ATXN10: variants seen among roughly 807,000 people sequenced by gnomAD.
ATXN10 encodes ataxin 10, also known as ataxin-10.
Under a neutral mutation model 52.9 loss-of-function variants are expected in ATXN10, and 28 were observed. That is an observed-to-expected ratio of 0.53 (90% CI 0.39 to 0.73). The LOEUF (loss-of-function observed/expected upper bound fraction) is 0.73, where lower values mean the gene tolerates loss of function less well. ATXN10 is among the 30% of genes least tolerant of loss of function. ATXN10 has a pLI of 0.00. For missense variants in ATXN10, 565 were observed against 577.0 expected (o/e 0.98, Z 0.21); for synonymous variants, 226 against 221.5 (o/e 1.02, Z -0.18).
At chr22:45,721,844 G>A (rs1249943549) in intron 6 of ATXN10, among the ~76,000 whole-genome samples, 1 of 152,150 alleles carries the variant, frequency 6.6e-6, no homozygotes, top group Non-Finnish European at 1.5e-5. Flanking sequence ...TAACTTGGGA[G>A]GTGGAGGTTG....
In ATXN10 at chr22:45,775,164, A is replaced by C. The variant is rs1361620071; in HGVS notation, c.1174-31795A>C. Among the ~76,000 whole-genome samples the C allele has an allele frequency of 6.6e-6, 1 of 152,092 alleles. No individual in the cohort carries two copies. Among genetic ancestry groups the C allele is most frequent in the Non-Finnish European group, 1.5e-5 (1 of 68,014 alleles). ...TGAGAAACACTGGCCCTCAGTCCTT[A>C]CCACTCCTAGAGAAGGAGGGGATGG... On this transcript the variant is annotated intron_variant, in intron 9 of 11. Transcript: ENST00000252934. The surrounding 1 kb of genome is among the most constrained non-coding windows in gnomAD (Gnocchi z 4.7).
At position 45,814,170 on chromosome 22, in the gene ATXN10, A is replaced by G. The variant is rs558305637; in HGVS notation, c.1237+7148A>G. Among the ~76,000 whole-genome samples, 38 of 152,358 alleles carry G rather than the reference A, an allele frequency of 2.5e-4. 1 individual carries two copies. Among genetic ancestry groups the G allele is most frequent in the Admixed American group, 2.5e-3 (38 of 15,294 alleles). On this transcript the variant is annotated intron_variant, in intron 10 of 11. Coordinates refer to ENST00000252934, the MANE Select transcript of ATXN10 (RefSeq NM_013236.4). ...GGATTGGGCAAGCGTTTCTTAAGGC[A>G]CACAAAGGCTAACTTAAAAACACTA...
At position 45,833,015 on chromosome 22, in the gene ATXN10, T is replaced by G. The variant is rs535390008; in HGVS notation, c.1238-9976T>G. 1.6e-4 allele frequency among the ~76,000 whole-genome samples: 25 copies of G among 152,224 alleles called. No individual in the cohort carries two copies. Among genetic ancestry groups the G allele is most frequent in the Non-Finnish European group, 3.4e-4 (23 of 68,040 alleles). ...AGGTTGTCCTGACTTTAAATGGATA[T>G]AGTAGTGCTCTTCCCCTGATGAGGA... On this transcript the variant is annotated intron_variant, in intron 10 of 11. Transcript: ENST00000252934. The surrounding 1 kb of genome is among the most constrained non-coding windows in gnomAD (Gnocchi z 4.3).
chr22:45,689,765 C>G lies in ATXN10; in HGVS notation c.170C>G (p.Ser57Cys), dbSNP rs761106865. The change falls in exon 2 of 12, where the codon TCT becomes TGT. Residue 57 changes from serine to cysteine, a missense_variant. By Grantham distance (112) the Ser-to-Cys change is moderately radical. Coordinates refer to ENST00000252934, the MANE Select transcript of ATXN10 (RefSeq NM_013236.4). ...FQRVLDILKK[S>C]SHAVELACRD... Reference sequence around the variant, plus strand: ...AGAGTTCTGGATATCCTAAAGAAATCTTCTCATGCTGTTGAGCTTGCCTGC... The same window carrying G: ...AGAGTTCTGGATATCCTAAAGAAATGTTCTCATGCTGTTGAGCTTGCCTGC... The G allele has an allele frequency of 2.5e-6, 4 of 1,614,078 alleles. No homozygotes were observed. The African/African-American group carries it at 4.0e-5, about 16-fold the overall frequency.
chr22:45,746,054 A>G (rs1462097133), intron 9 of ATXN10, among the ~76,000 whole-genome samples: 3 of 152,072 alleles, frequency 2.0e-5, no homozygotes, highest in Admixed American at 6.6e-5. Flanking sequence ...TCCAAATCAT[A>G]TATATTTTAG....
chr22:45,823,141 G>A lies in ATXN10; in HGVS notation c.1237+16119G>A. 1 of 471,736 alleles carries A rather than the reference G, an allele frequency of 2.1e-6. No homozygotes were observed. The highest frequency in any genetic ancestry group is 4.4e-6 in the Non-Finnish European group (1 of 227,174). 29.2% of individuals were successfully genotyped at this position (471,736 alleles called of 1,614,324 possible). ...AGATGTATGTACGCATCACCCAGAT[G>A]GAAATACAGAACATGCCCATCTCCC... On this transcript the variant is annotated intron_variant, in intron 10 of 11. Coordinates refer to ENST00000252934, the MANE Select transcript of ATXN10 (RefSeq NM_013236.4). This position sits in a 1 kb window ranked among gnomAD's most constrained non-coding sequence, Gnocchi z 4.9.
At chr22:45,807,083 T>C (rs1569072954) in intron 10 of ATXN10, 61 bp downstream of exon 10, 1 of 1,357,696 alleles carries the variant, frequency 7.4e-7, no homozygotes, top group Admixed American at 1.7e-5. Flanking sequence ...GCAAAACAAG[T>C]CCCTTGCCTC....
chr22:45,829,633 A>G (rs936146861), intron 10 of ATXN10, among the ~76,000 whole-genome samples: 4 of 152,208 alleles, frequency 2.6e-5, no homozygotes, highest in African/African-American at 9.6e-5. Context: ...TTATAATAGC[A>G]TCAAAAATAA....
intron 5 of ATXN10, among the ~76,000 whole-genome samples, chr22:45,717,998 C>T (rs1448772597): frequency 2.0e-5 from 3 of 152,092 alleles, no homozygotes; most frequent in Non-Finnish European, 1.5e-5. Flanking sequence ...ATAATCAAGC[C>T]AGTAATGGAA....
chr22:45,735,107 G>A (rs1475550398), intron 7 of ATXN10, among the ~76,000 whole-genome samples: 4 of 151,904 alleles, frequency 2.6e-5, no homozygotes, highest in African/African-American at 7.3e-5. Flanking sequence ...TTGAACTCCC[G>A]ACTTTGGGTG....
chr22:45,730,903 A>G (rs1196993832), intron 7 of ATXN10, among the ~76,000 whole-genome samples: 1 of 152,152 alleles, frequency 6.6e-6, no homozygotes, highest in Non-Finnish European at 1.5e-5. Context: ...ATACTTCCAA[A>G]CTGCTTTCTA....
Position 45,815,205 on chromosome 22 carries a change from A to G in ATXN10, c.1237+8183A>G, listed in dbSNP as rs562190293. 2.6e-5 allele frequency among the ~76,000 whole-genome samples: 4 copies of G among 152,358 alleles called. No individual in the cohort carries two copies. In the South Asian group the frequency reaches 8.3e-4, roughly 32 times the overall value. On this transcript the variant is annotated intron_variant, in intron 10 of 11. Transcript: ENST00000252934. ...TAACACATGGATGAATCTCACTAGC[A>G]TGATACTGAGTGAAAGAAGCCAGAT...
Position 45,843,639 on chromosome 22 carries a change from C to A in ATXN10, c.1426-30C>A, listed in dbSNP as rs751690348. On this transcript the variant is annotated intron_variant, in intron 11 of 11. Coordinates refer to ENST00000252934, the MANE Select transcript of ATXN10 (RefSeq NM_013236.4). This position sits in a 1 kb window ranked among gnomAD's most constrained non-coding sequence, Gnocchi z 4.5. ...AATCTTGTGAACAGATTTGCTACAT[C>A]TGCAATTTTGTTTCTTTCTTCTTCT... 1.2e-6 allele frequency: 2 copies of A among 1,609,570 alleles called. No homozygotes were observed. Among genetic ancestry groups the A allele is most frequent in the Non-Finnish European group, 1.7e-6 (2 of 1,176,714 alleles).
chr22:45,724,611 G>T (rs182175117), intron 6 of ATXN10, among the ~76,000 whole-genome samples: 2 of 152,234 alleles, frequency 1.3e-5, no homozygotes, highest in East Asian at 1.9e-4. Flanking sequence ...CTCCCATTCT[G>T]TTGGTTGTCT....
At chr22:45,739,117 AAT>A (rs1389728702) in intron 8 of ATXN10, among the ~76,000 whole-genome samples, 1 of 152,204 alleles carries the variant, frequency 6.6e-6, no homozygotes, top group Non-Finnish European at 1.5e-5. Context: ...ATGTTTCATC[AAT>A]ATAGGATGTG....
rs1459620867 is a variant in ATXN10 at position 45,818,988 on chromosome 22, A to G, written c.1237+11966A>G. Reference sequence around the variant, plus strand: ...GCGTAGTCTGACACGTAGGGAAAACATGAGAAATCCATGCCTAAATAATTT... The same window carrying G: ...GCGTAGTCTGACACGTAGGGAAAACGTGAGAAATCCATGCCTAAATAATTT... On this transcript the variant is annotated intron_variant, in intron 10 of 11. Coordinates refer to ENST00000252934, the MANE Select transcript of ATXN10 (RefSeq NM_013236.4). This position sits in a 1 kb window ranked among gnomAD's most constrained non-coding sequence, Gnocchi z 4.6. Among the ~76,000 whole-genome samples the G allele has an allele frequency of 6.6e-6, 1 of 152,170 alleles. No homozygotes were observed. Among genetic ancestry groups the G allele is most frequent in the African/African-American group, 2.4e-5 (1 of 41,434 alleles).
rs1028785185 is a variant in ATXN10 at position 45,770,441 on chromosome 22, G to A, written c.1173+29903G>A. Among the ~76,000 whole-genome samples, 1 of 152,180 alleles carries A rather than the reference G, an allele frequency of 6.6e-6. No homozygotes were observed. Among genetic ancestry groups the A allele is most frequent in the African/African-American group, 2.4e-5 (1 of 41,452 alleles). On this transcript the variant is annotated intron_variant, in intron 9 of 11. Transcript: ENST00000252934. The surrounding 1 kb of genome is among the most constrained non-coding windows in gnomAD (Gnocchi z 4.5). ...ACACACTAATGGGACACACACGTGT[G>A]TTTCTGTGTCTGTGAATGTGTGTTG...
intron 5 of ATXN10, among the ~76,000 whole-genome samples, chr22:45,713,167 C>T (rs988669725): frequency 2.0e-5 from 3 of 152,148 alleles, no homozygotes; most frequent in Non-Finnish European, 4.4e-5. Context: ...TGTCTGTTGG[C>T]ATGTGCTCCT....
At position 45,823,631 on chromosome 22, in the gene ATXN10, G is replaced by A. The variant is rs1408622942; in HGVS notation, c.1237+16609G>A. Among the ~76,000 whole-genome samples, 2 of 152,134 alleles carry A rather than the reference G, an allele frequency of 1.3e-5. No homozygotes were observed. The highest frequency in any genetic ancestry group is 3.8e-4 in the East Asian group (2 of 5,200). The stretch of plus-strand genomic sequence containing the variant: ...CGTGACTTTATGATCTTGGTATCCG[G>A]TAGGGCCAATTTTGAATGTTAACCA... On this transcript the variant is annotated intron_variant, in intron 10 of 11. Transcript: ENST00000252934. The surrounding 1 kb of genome is among the most constrained non-coding windows in gnomAD (Gnocchi z 4.9).
Sources: allele counts gnomAD v4.1 joint callset (sites outside exome capture counted in the v4.1 genomes callset), GRCh38; gene constraint gnomAD v4.1.1; non-coding constraint Gnocchi (gnomAD v3.1); transcripts MANE v1.5; gene names NCBI Gene and HGNC (gene_info 2026-07-23, HGNC 2026-07-21).